TGFA: variants seen among roughly 807,000 people sequenced by gnomAD.
The protein encoded by TGFA is protransforming growth factor alpha.
A neutral mutation model predicts 21.7 loss-of-function variants in TGFA; 12 were observed. The ratio of observed to expected loss-of-function variants is 0.55; its 90% CI spans 0.35 to 0.90. The LOEUF is 0.90. Among genes scored for constraint, TGFA ranks in the 40% least tolerant of loss-of-function variants. TGFA has a pLI of 0.01. For synonymous variants in TGFA, 79 were observed against 88.1 expected, an observed-to-expected ratio of 0.90 and a Z score of 0.58; for missense variants, 178 against 210.8, an observed-to-expected ratio of 0.84 and a Z score of 0.96.
chr2:70,480,272 G>A (rs1367322230), intron 2 of TGFA, among the ~76,000 whole-genome samples: 1 of 152,246 alleles, frequency 6.6e-6, no homozygotes, highest in South Asian at 2.1e-4. Context: ...TTAAGGCATT[G>A]GCAGGATCCA....
intron 2 of TGFA, among the ~76,000 whole-genome samples, chr2:70,511,258 T>C (rs919627090): frequency 3.3e-5 from 5 of 152,208 alleles, no homozygotes; most frequent in Admixed American, 6.5e-5. Flanking sequence ...GTAAAGTCCT[T>C]ATAGCTTTTG....
chr2:70,485,046 C>T (rs1037849504), intron 2 of TGFA, among the ~76,000 whole-genome samples: 13 of 152,228 alleles, frequency 8.5e-5, no homozygotes, highest in African/African-American at 2.9e-4. Context: ...ATTTCCTCAA[C>T]AAGCCCACAG....
chr2:70,514,741 G>C (rs1048036167), intron 2 of TGFA, 118 bp downstream of exon 2: 1 of 1,101,252 alleles, frequency 9.1e-7, no homozygotes, highest in Admixed American at 2.0e-5. Flanking sequence ...AGAGGACTCC[G>C]GGACAGGCGT....
intron 2 of TGFA, among the ~76,000 whole-genome samples, chr2:70,487,930 C>T (rs79845014): frequency 0.011 from 1,609 of 152,306 alleles, 43 homozygotes; most frequent in African/African-American, 0.037. Context: ...AATTTACACT[C>T]CCCTGAGGAG....
chr2:70,480,908 A>T (rs572781380), intron 2 of TGFA, among the ~76,000 whole-genome samples: 17 of 152,062 alleles, frequency 1.1e-4, no homozygotes, highest in African/African-American at 3.9e-4. Context: ...TCTGCCTCAT[A>T]AAAAAGTTGG....
At chr2:70,502,012 T>C (rs1197651485) in intron 2 of TGFA, among the ~76,000 whole-genome samples, 2 of 152,260 alleles carry the variant, frequency 1.3e-5, no homozygotes, top group African/African-American at 4.8e-5. Context: ...TTCTGGGCAC[T>C]TGCAGGGAGC....
chr2:70,473,483 G>C (rs1574082117), intron 2 of TGFA, among the ~76,000 whole-genome samples: 1 of 151,632 alleles, frequency 6.6e-6, no homozygotes, highest in African/African-American at 2.4e-5. Context: ...TTTGCAGAGA[G>C]AGCAATGCCC....
chr2:70,499,563 T>C (rs1208160166), intron 2 of TGFA, among the ~76,000 whole-genome samples: 1 of 152,252 alleles, frequency 6.6e-6, no homozygotes, highest in African/African-American at 2.4e-5. Context: ...CAACAGCCTA[T>C]GGTCCACACT....
At chr2:70,524,124 T>C (rs1553502656) in intron 1 of TGFA, among the ~76,000 whole-genome samples, 1 of 152,134 alleles carries the variant, frequency 6.6e-6, no homozygotes, top group African/African-American at 2.4e-5. Context: ...CTCCCCAACA[T>C]GTTACCCACT....
At chr2:70,518,037 C>G (rs1453109112) in intron 1 of TGFA, among the ~76,000 whole-genome samples, 1 of 152,230 alleles carries the variant, frequency 6.6e-6, no homozygotes, top group African/African-American at 2.4e-5. Context: ...TCACTCCAAA[C>G]AAAGGAAGGA....
chr2:70,506,136 G>A (rs149427726), intron 2 of TGFA, among the ~76,000 whole-genome samples: 1 of 152,316 alleles, frequency 6.6e-6, no homozygotes, highest in East Asian at 1.9e-4. Flanking sequence ...ATCACAGTAA[G>A]GCCAATGAGA....
At position 70,462,610 on chromosome 2, in the gene TGFA, C is replaced by T. The variant is rs1031344706; in HGVS notation, c.215+3006G>A. Among the ~76,000 whole-genome samples the T allele has an allele frequency of 4.6e-5, 7 of 152,310 alleles. 1 individual carries two copies. The highest frequency in any genetic ancestry group is 4.6e-4 in the Admixed American group (7 of 15,302). Reference sequence around the variant, plus strand: ...GAAGTTCAGGCCCGGTGTTGCCATTCTGCTTATTCAAGAGGAGCTGGATGT... The same window carrying T: ...GAAGTTCAGGCCCGGTGTTGCCATTTTGCTTATTCAAGAGGAGCTGGATGT... On this transcript the variant is annotated intron_variant, in intron 3 of 5. Coordinates refer to ENST00000295400, the MANE Select transcript of TGFA (RefSeq NM_003236.4).
At chr2:70,497,610 C>T (rs1553498532) in intron 2 of TGFA, among the ~76,000 whole-genome samples, 2 of 152,188 alleles carry the variant, frequency 1.3e-5, no homozygotes, top group African/African-American at 4.8e-5. Flanking sequence ...CTGCTAACTT[C>T]TGATTAAGAA....
chr2:70,523,970 T>C (rs1553502632), intron 1 of TGFA, among the ~76,000 whole-genome samples: 1 of 152,014 alleles, frequency 6.6e-6, no homozygotes, highest in East Asian at 1.9e-4. Flanking sequence ...TGGAGAAGCA[T>C]GCAAAAAATA....
At chr2:70,450,994 C>T (rs1670036475) in intron 5 of TGFA, 128 bp from the exon 6 acceptor site, 14 of 1,143,152 alleles carry the variant, frequency 1.2e-5, no homozygotes, top group South Asian at 6.8e-5. Flanking sequence ...CAGTTAGGCC[C>T]GAGTCCAAAT....
Position 70,521,609 on chromosome 2 carries a change from G to GTTTTTTTTTTTTTTTTTTTTTT in TGFA, c.41-6698_41-6697insAAAAAAAAAAAAAAAAAAAAAA, listed in dbSNP as rs797022948. On this transcript the variant is annotated intron_variant, in intron 1 of 5. Coordinates refer to ENST00000295400, the MANE Select transcript of TGFA (RefSeq NM_003236.4). The stretch of plus-strand genomic sequence containing the variant: ...ACTATTGATAGTTTTTTTTGTTGTT[G>GTTTTTTTTTTTTTTTTTTTTTT]TTTGTTTGTTTTTTTTTTTTTTTTT... 6.1e-4 allele frequency among the ~76,000 whole-genome samples: 48 copies of GTTTTTTTTTTTTTTTTTTTTTT among 78,838 alleles called. 4 individuals are homozygous for GTTTTTTTTTTTTTTTTTTTTTT. The highest frequency in any genetic ancestry group is 1.4e-3 in the South Asian group (3 of 2,076). 51.7% of individuals were successfully genotyped at this position (78,838 alleles called of 152,430 possible). A position where few individuals can be genotyped will look rare whatever the true frequency, so the allele number is the denominator to read the frequency against.
intron 2 of TGFA, among the ~76,000 whole-genome samples, chr2:70,475,133 C>T (rs931159069): frequency 1.3e-5 from 2 of 152,118 alleles, no homozygotes; most frequent in Non-Finnish European, 2.9e-5. Context: ...AATCAGATAA[C>T]ATGAACACAG....
chr2:70,532,872 T>C (rs1239948867), intron 1 of TGFA, among the ~76,000 whole-genome samples: 30 of 151,956 alleles, frequency 2.0e-4, no homozygotes, highest in African/African-American at 6.3e-4. Context: ...TTTCTTTTTT[T>C]TTTTTTTTAA....
chr2:70,532,329 G>A (rs1388442378), intron 1 of TGFA, among the ~76,000 whole-genome samples: 1 of 152,154 alleles, frequency 6.6e-6, no homozygotes, highest in Non-Finnish European at 1.5e-5. Flanking sequence ...CTAAACATGA[G>A]TTTTCCCAAA....
Sources: gnomAD v4.1 joint callset for allele counts (sites outside exome capture counted in the v4.1 genomes callset) on GRCh38, gnomAD v4.1.1 for gene constraint, MANE v1.5 for transcripts, NCBI Gene and HGNC (gene_info 2026-07-23, HGNC 2026-07-21) for gene names.